Variants in SEPTIN10 observed in about 807,000 individuals in gnomAD.
SEPTIN10 encodes the protein septin 10.
SEPTIN10 carries 66 observed loss-of-function variants against 54.8 expected under a neutral mutation model. The observed-to-expected ratio is 1.21, with a 90% confidence interval of 0.99 to 1.48. The LOEUF (loss-of-function observed/expected upper bound fraction) is 1.48, where lower values mean the gene tolerates loss of function less well. Among genes scored for constraint, SEPTIN10 ranks in the 40% most tolerant of loss-of-function variants. The pLI is 0.00. For missense variants in SEPTIN10, 620 were observed against 545.6 expected (o/e 1.14, Z -1.36); for synonymous variants, 161 against 181.0 (o/e 0.89, Z 0.89).
At position 109,578,622 on chromosome 2, in the gene SEPTIN10, C is replaced by T. The variant is rs372524779; in HGVS notation, c.414-3855G>A. ...TCTCTACTAAAAATACAAAAATTAG[C>T]TCGGAGTGCTGGTGGGCACCTGTAA... On this transcript the variant is annotated intron_variant, in intron 4 of 10. Coordinates refer to ENST00000397712, the MANE Select transcript of SEPTIN10 (RefSeq NM_144710.5). 6.2e-4 allele frequency among the ~76,000 whole-genome samples: 95 copies of T among 152,174 alleles called. No homozygotes were observed. The South Asian group carries it at 0.019, about 31-fold the overall frequency.
At chr2:109,596,789 C>A (rs985220071) in intron 1 of SEPTIN10, among the ~76,000 whole-genome samples, 1 of 152,062 alleles carries the variant, frequency 6.6e-6, no homozygotes, top group Non-Finnish European at 1.5e-5. Context: ...CTTAAAATCT[C>A]AGTGGATAAA....
At chr2:109,558,509 G>A (rs990425491) in intron 8 of SEPTIN10, among the ~76,000 whole-genome samples, 2 of 152,126 alleles carry the variant, frequency 1.3e-5, no homozygotes, top group Non-Finnish European at 2.9e-5. Context: ...TATTAAACTT[G>A]GGGATTTAAA....
chr2:109,565,936 GAA>G (rs1686910087), intron 6 of SEPTIN10, 77 bp from the exon 7 acceptor site: 1 of 1,259,138 alleles, frequency 7.9e-7, no homozygotes, highest in Non-Finnish European at 1.2e-6. Flanking sequence ...ATGTGAGAGA[GAA>G]GAGAATAATT....
At chr2:109,560,650 A>T (rs1469045190) in intron 8 of SEPTIN10, among the ~76,000 whole-genome samples, 1 of 152,184 alleles carries the variant, frequency 6.6e-6, no homozygotes, top group African/African-American at 2.4e-5. Context: ...GCTGTTTCAG[A>T]GGAAACTCAA....
intron 8 of SEPTIN10, among the ~76,000 whole-genome samples, chr2:109,555,925 GA>G (rs1415202743): frequency 1.3e-5 from 2 of 152,114 alleles, no homozygotes; most frequent in Non-Finnish European, 2.9e-5. Context: ...TCCCCAGTTA[GA>G]ATTAACTGTT....
chr2:109,597,088 CT>C (rs1183628026), intron 1 of SEPTIN10, among the ~76,000 whole-genome samples: 5 of 152,070 alleles, frequency 3.3e-5, no homozygotes, highest in African/African-American at 1.2e-4. Flanking sequence ...GATGGGACCA[CT>C]GGCACATCCC....
chr2:109,584,474 C>CAAAAA (rs71958517), intron 4 of SEPTIN10, among the ~76,000 whole-genome samples: 6 of 71,998 alleles, frequency 8.3e-5, no homozygotes, highest in African/African-American at 2.3e-4. Flanking sequence ...GACTCTGTCT[C>CAAAAA]AAAAAAAAAA....
intron 4 of SEPTIN10, 40 bp downstream of exon 4, chr2:109,585,086 A>G: frequency 7.4e-7 from 1 of 1,351,252 alleles, no homozygotes; most frequent in East Asian, 2.4e-5. Flanking sequence ...ATGTCTTGAA[A>G]TAAGAAAAAC....
At position 109,556,239 on chromosome 2, in the gene SEPTIN10, C is replaced by T. The variant is rs185516667; in HGVS notation, c.1029-3020G>A. Among the ~76,000 whole-genome samples the T allele has an allele frequency of 3.9e-5, 6 of 152,276 alleles. No individual in the cohort carries two copies. In the East Asian group the frequency reaches 1.2e-3, roughly 29 times the overall value. ...TCTTATATGTCAGAAACACTGAGCC[C>T]TTCCATTTGGGCTTGCTATAAGAAT... On this transcript the variant is annotated intron_variant, in intron 8 of 10. Transcript: ENST00000397712.
chr2:109,558,162 G>A (rs1684814249), intron 8 of SEPTIN10, among the ~76,000 whole-genome samples: 1 of 152,040 alleles, frequency 6.6e-6, no homozygotes, highest in Admixed American at 6.5e-5. Context: ...GAAAACTAAA[G>A]AGAAAGAAAG....
In SEPTIN10 at chr2:109,581,025, A is replaced by G. The variant is rs1287780088; in HGVS notation, c.413+4101T>C. On this transcript the variant is annotated intron_variant, in intron 4 of 10. Transcript: ENST00000397712. ...GCCCCCAAGTCCCTGGCTAAAGAATAATATGCATATGCAGGACAGCAAAAT... is the reference window on the plus strand; with the variant it reads ...GCCCCCAAGTCCCTGGCTAAAGAATGATATGCATATGCAGGACAGCAAAAT... 3.3e-5 allele frequency among the ~76,000 whole-genome samples: 5 copies of G among 152,248 alleles called. No homozygotes were observed. The South Asian group carries it at 1.0e-3, about 32-fold the overall frequency.
chr2:109,575,776 T>C (rs1334354535), intron 4 of SEPTIN10, among the ~76,000 whole-genome samples: 2 of 152,266 alleles, frequency 1.3e-5, no homozygotes, highest in Non-Finnish European at 2.9e-5. Context: ...AATGAACCAG[T>C]ACCTTGAGCA....
chr2:109,569,406 T>C (rs1261557373), intron 5 of SEPTIN10, among the ~76,000 whole-genome samples: 1 of 148,386 alleles, frequency 6.7e-6, no homozygotes, highest in African/African-American at 2.5e-5. Context: ...ATTCCACACT[T>C]CAGCCTGGGC....
intron 9 of SEPTIN10, among the ~76,000 whole-genome samples, chr2:109,547,948 G>A (rs914638568): frequency 6.6e-6 from 1 of 152,136 alleles, no homozygotes; most frequent in Non-Finnish European, 1.5e-5. Context: ...ATGTGCTGGG[G>A]TAACTGTGGG....
chr2:109,580,589 C>T (rs2105636062), intron 4 of SEPTIN10, among the ~76,000 whole-genome samples: 1 of 152,238 alleles, frequency 6.6e-6, no homozygotes, highest in South Asian at 2.1e-4. Context: ...CTACAAAATA[C>T]TGCAGGTCCT....
At chr2:109,604,271 G>C (rs1364120236) in intron 1 of SEPTIN10, among the ~76,000 whole-genome samples, 2 of 149,424 alleles carry the variant, frequency 1.3e-5, no homozygotes, top group Admixed American at 6.7e-5. Context: ...TTGAACCTAG[G>C]AGGCAGAGGT....
At chr2:109,564,611 C>A in intron 7 of SEPTIN10, 77 bp from the exon 8 acceptor site, 1 of 1,247,348 alleles carries the variant, frequency 8.0e-7, no homozygotes, top group Non-Finnish European at 1.1e-6. Context: ...GCTGAATGAA[C>A]AAATAAATGA....
chr2:109,555,175 T>G (rs1385815126), intron 8 of SEPTIN10, among the ~76,000 whole-genome samples: 1 of 152,178 alleles, frequency 6.6e-6, no homozygotes. Context: ...CTCACCACAT[T>G]AAAGTTATGC....
intron 3 of SEPTIN10, 92 bp downstream of exon 3, chr2:109,585,629 G>T: frequency 1.1e-6 from 1 of 892,454 alleles, no homozygotes; most frequent in Non-Finnish European, 1.8e-6. Context: ...ATTTCAAATT[G>T]ATAACATGAG....
Sources: gnomAD v4.1 joint callset for allele counts (sites outside exome capture counted in the v4.1 genomes callset) on GRCh38, gnomAD v4.1.1 for gene constraint, MANE v1.5 for transcripts, NCBI Gene and HGNC (gene_info 2026-07-23, HGNC 2026-07-21) for gene names.